Variants in C1orf159 observed in about 807,000 individuals in gnomAD.
C1orf159 encodes the protein chromosome 1 open reading frame 159.
A neutral mutation model predicts 25.6 loss-of-function variants in C1orf159; 19 were observed. The observed-to-expected ratio is 0.74, with a 90% CI of 0.52 to 1.09. The LOEUF is 1.09. C1orf159 is among the 50% of genes least tolerant of loss of function. The pLI, the probability that C1orf159 is intolerant of heterozygous loss-of-function variation, is 0.00. For missense variants in C1orf159, 274 were observed against 290.6 expected (o/e 0.94, Z 0.42); for synonymous variants, 139 against 124.7 (o/e 1.12, Z -0.77).
At chr1:1,083,385 C>CAG (rs974865142) in intron 9 of C1orf159, 3 of 216,612 alleles carry the variant, frequency 1.4e-5, no homozygotes, top group Middle Eastern at 1.8e-3. Flanking sequence ...GTCAGGGTCT[C>CAG]AGGTGTGATC....
intron 1 of C1orf159, among the ~76,000 whole-genome samples, chr1:1,108,294 C>T (rs1183039365): frequency 7.1e-6 from 1 of 140,126 alleles, no homozygotes; most frequent in Non-Finnish European, 1.5e-5. Context: ...GCCACCATGT[C>T]TCGGCACCGT....
At chr1:1,091,600 T>G (rs1375563504) in intron 2 of C1orf159, 35 bp from the exon 3 acceptor site, 24 of 1,165,820 alleles carry the variant, frequency 2.1e-5, no homozygotes, top group East Asian at 8.6e-5. Context: ...GCCAAAGAGA[T>G]GGAGTGGGGC....
intron 1 of C1orf159, among the ~76,000 whole-genome samples, chr1:1,094,703 G>A (rs567291102): frequency 2.9e-4 from 44 of 152,208 alleles, no homozygotes; most frequent in Non-Finnish European, 4.4e-4. Context: ...CCCGGCCCCC[G>A]TCTTATCATT....
At chr1:1,091,669 G>A (rs1251330315) in intron 2 of C1orf159, 104 bp from the exon 3 acceptor site, 12 of 809,888 alleles carry the variant, frequency 1.5e-5, no homozygotes, top group Non-Finnish European at 1.0e-5. Flanking sequence ...GGGGGGTGCG[G>A]GCCAAGGCAA....
chr1:1,102,040 C>T (rs556245686), intron 1 of C1orf159, among the ~76,000 whole-genome samples: 44 of 135,396 alleles, frequency 3.2e-4, no homozygotes, highest in Non-Finnish European at 5.2e-4. Flanking sequence ...CACTGCACTC[C>T]AGCCTGGGCG....
chr1:1,087,022 G>A lies in C1orf159; in HGVS notation c.310+117C>T. ...GGGGCTGCCACGCTCCCCTCTGGCT[G>A]TTTTGCAGAACCCTGAGCCTGCTGT... is the stretch of plus-strand genomic sequence containing the variant. On this transcript the variant is annotated intron_variant, in intron 6 of 9. Transcript: ENST00000421241. This position sits in a 1 kb window ranked among gnomAD's most constrained non-coding sequence, Gnocchi z 8.3. 1 of 1,097,804 alleles carries A rather than the reference G, an allele frequency of 9.1e-7. No homozygotes were observed. Among genetic ancestry groups the A allele is most frequent in the Non-Finnish European group, 1.3e-6 (1 of 757,912 alleles). The allele number at this position is 1,097,804 out of a possible 1,614,324, so 68.0% of individuals were successfully genotyped here. A position where few individuals can be genotyped will look rare whatever the true frequency, so the allele number is the denominator to read the frequency against.
chr1:1,109,390 A>C (rs1646227875), intron 1 of C1orf159, among the ~76,000 whole-genome samples: 1 of 152,076 alleles, frequency 6.6e-6, no homozygotes, highest in Non-Finnish European at 1.5e-5. Flanking sequence ...AGGAATGGGG[A>C]GTTAGTGTTT....
At chr1:1,099,018 G>A (rs989755514) in intron 1 of C1orf159, among the ~76,000 whole-genome samples, 4 of 120,832 alleles carry the variant, frequency 3.3e-5, no homozygotes, top group Non-Finnish European at 6.6e-5. Context: ...TCCAAGAATC[G>A]GAGACAGAGA....
chr1:1,083,938 G>A, intron 9 of C1orf159: 2 of 1,595,952 alleles, frequency 1.3e-6, no homozygotes, highest in Admixed American at 1.7e-5. Flanking sequence ...GGGTCCGCCT[G>A]ACCCAGCACC....
chr1:1,091,404 G>T, intron 3 of C1orf159, 68 bp downstream of exon 3: 1 of 1,362,452 alleles, frequency 7.3e-7, no homozygotes, highest in Non-Finnish European at 1.0e-6. Flanking sequence ...ACCCTCTAGG[G>T]GAAGGGCCCA....
rs115190992 is a variant in C1orf159, at chr1:1,094,297, C to T, written c.-135-2194G>A. 3.2e-3 allele frequency among the ~76,000 whole-genome samples: 487 copies of T among 152,218 alleles called. 2 individuals are homozygous for T. The highest frequency in any genetic ancestry group is 0.011 in the African/African-American group (463 of 41,518). On this transcript the variant is annotated intron_variant, in intron 1 of 9. Coordinates refer to ENST00000421241, the MANE Select transcript of C1orf159 (RefSeq NM_017891.5). ...AAGTGATCCTCCTACCTCAGCCTCTCGAGTAGCTGAGACTAGAGGTGTGCG... is the reference window on the plus strand; with the variant it reads ...AAGTGATCCTCCTACCTCAGCCTCTTGAGTAGCTGAGACTAGAGGTGTGCG...
chr1:1,087,225 G>A lies in C1orf159; in HGVS notation c.245-21C>T. The A allele has an allele frequency of 6.3e-7, 1 of 1,596,624 alleles. No individual in the cohort carries two copies. ...AGCAACTGTGGGATAGCAGAACTGTGGGAAGCCTGTGTGCACGGAGCCCAC... is the reference window on the plus strand; with the variant it reads ...AGCAACTGTGGGATAGCAGAACTGTAGGAAGCCTGTGTGCACGGAGCCCAC... On this transcript the variant is annotated intron_variant, in intron 5 of 9. Coordinates refer to ENST00000421241, the MANE Select transcript of C1orf159 (RefSeq NM_017891.5). The surrounding 1 kb of genome is among the most constrained non-coding windows in gnomAD (Gnocchi z 8.3).
At chr1:1,084,123 T>A in intron 9 of C1orf159, 1 of 1,565,902 alleles carries the variant, frequency 6.4e-7, no homozygotes, top group Non-Finnish European at 8.7e-7. Context: ...TCACGGGGAT[T>A]AAAGGGGGGC....
intron 1 of C1orf159, among the ~76,000 whole-genome samples, chr1:1,102,705 G>T (rs539874595): frequency 1.3e-5 from 2 of 150,602 alleles, no homozygotes; most frequent in Non-Finnish European, 3.0e-5. Flanking sequence ...GGCTGAGGCA[G>T]GAGAATCACT....
At position 1,089,484 on chromosome 1, in the gene C1orf159, G is replaced by A. The variant is rs1018289065; in HGVS notation, c.148+869C>T. Among the ~76,000 whole-genome samples, 2 of 152,010 alleles carry A rather than the reference G, an allele frequency of 1.3e-5. No individual in the cohort carries two copies. The highest frequency in any genetic ancestry group is 4.8e-5 in the African/African-American group (2 of 41,372). On this transcript the variant is annotated intron_variant, in intron 4 of 9. Transcript: ENST00000421241. This position sits in a 1 kb window ranked among gnomAD's most constrained non-coding sequence, Gnocchi z 7.5. Reference sequence around the variant, plus strand: ...CGGTGCCCTCCTCCTCCTACCCTGCGTGTGCCTCAGATGTCATCACTGCCT... The same window carrying A: ...CGGTGCCCTCCTCCTCCTACCCTGCATGTGCCTCAGATGTCATCACTGCCT...
chr1:1,090,893 A>G (rs1217932153), intron 3 of C1orf159: 1 of 1,550,352 alleles, frequency 6.5e-7, no homozygotes, highest in Admixed American at 2.0e-5. Flanking sequence ...GTGAGGGCCC[A>G]TTCCCTGACC....
intron 3 of C1orf159, chr1:1,091,090 A>G (rs1645923778): frequency 5.4e-6 from 5 of 919,440 alleles, no homozygotes; most frequent in African/African-American, 1.7e-5. Context: ...CGCCCCAGCC[A>G]GGACAGTGAG....
chr1:1,092,123 G>A lies in C1orf159; in HGVS notation c.-135-20C>T, dbSNP rs1645948824. The A allele has an allele frequency of 2.5e-6, 1 of 398,548 alleles. No homozygotes were observed. Among genetic ancestry groups the A allele is most frequent in the Non-Finnish European group, 5.1e-6 (1 of 197,354 alleles). The allele number at this position is 398,548 out of a possible 1,614,324, so 24.7% of individuals were successfully genotyped here. A position where few individuals can be genotyped will look rare whatever the true frequency, so the allele number is the denominator to read the frequency against. On this transcript the variant is annotated intron_variant, in intron 1 of 9. Transcript: ENST00000421241. ...CCAGTCCTGCAGATGAAGACAGCAG[G>A]TGAGGCCGTGGTCACGCGAGGGCAA...
intron 3 of C1orf159, 22 bp downstream of exon 3, chr1:1,091,450 G>C (rs966556598): frequency 3.2e-6 from 5 of 1,548,038 alleles, no homozygotes; most frequent in Admixed American, 3.9e-5. Flanking sequence ...AGGCCGCGTG[G>C]ACACGTGAGG....
Sources: gnomAD v4.1 joint callset for allele counts (sites outside exome capture counted in the v4.1 genomes callset) on GRCh38, gnomAD v4.1.1 for gene constraint, Gnocchi (gnomAD v3.1) non-coding constraint, MANE v1.5 for transcripts, NCBI Gene and HGNC (gene_info 2026-07-23, HGNC 2026-07-21) for gene names.